The following TENM1 variants were observed in gnomAD, a reference collection of about 807,000 sequenced individuals.
The protein encoded by TENM1 is teneurin transmembrane protein 1, also known as teneurin-1.
In TENM1, 35 loss-of-function variants were observed where a neutral mutation model predicts 174.8. The observed-to-expected ratio is 0.20, with a 90% CI of 0.15 to 0.27. TENM1 has a LOEUF of 0.27. Among genes scored for constraint, TENM1 ranks in the 10% least tolerant of loss-of-function variants. The pLI is 1.00. For synonymous variants in TENM1, 781 were observed against 798.7 expected (o/e 0.98, Z 0.37); for missense variants, 1,633 against 2,130.1 (o/e 0.77, Z 4.59).
the TENM1 span, among the ~76,000 whole-genome samples, chrX:125,083,622 A>G: frequency 9.0e-6 from 1 of 111,687 alleles, no homozygotes; most frequent in Admixed American, 9.5e-5. Context: ...AAACATGGTA[A>G]TGATATGCTT....
intron 3 of TENM1, among the ~76,000 whole-genome samples, chrX:124,841,004 TAC>T (rs961415029): frequency 8.9e-6 from 1 of 112,121 alleles, no homozygotes; most frequent in Non-Finnish European, 1.9e-5. Flanking sequence ...CAAGGTGATT[TAC>T]ACTTTTCTGT....
At chrX:124,961,314 T>C (rs1417084571) in intron 1 of TENM1, among the ~76,000 whole-genome samples, 1 of 111,693 alleles carries the variant, frequency 9.0e-6, no homozygotes, top group Non-Finnish European at 1.9e-5. Context: ...TTATTGAGTA[T>C]ACAGTCTAGG....
At chrX:124,642,788 T>C (rs1355156608) in intron 10 of TENM1, among the ~76,000 whole-genome samples, 1 of 112,250 alleles carries the variant, frequency 8.9e-6, no homozygotes, top group Non-Finnish European at 1.9e-5. Flanking sequence ...CTAGTAACCA[T>C]TCCATGGGAA....
intron 3 of TENM1, among the ~76,000 whole-genome samples, chrX:124,872,768 T>C (rs2057133236): frequency 8.9e-6 from 1 of 111,987 alleles, no homozygotes; most frequent in Non-Finnish European, 1.9e-5. Flanking sequence ...GCTTGTCCAC[T>C]AGATAACAAT....
chrX:124,452,760 G>A (rs867615689), intron 23 of TENM1, among the ~76,000 whole-genome samples: 2 of 105,649 alleles, frequency 1.9e-5, no homozygotes, highest in Non-Finnish European at 3.9e-5. Flanking sequence ...GCAAACTATC[G>A]CAAGGACAAA....
At chrX:124,923,095 T>A (rs944507012) in intron 1 of TENM1, among the ~76,000 whole-genome samples, 3 of 112,072 alleles carry the variant, frequency 2.7e-5, no homozygotes, top group Non-Finnish European at 5.7e-5. Context: ...TTGGTATTAT[T>A]TTTTGCCTAC....
At chrX:124,795,467 G>T (rs768936333) in intron 3 of TENM1, among the ~76,000 whole-genome samples, 1 of 112,017 alleles carries the variant, frequency 8.9e-6, no homozygotes, top group South Asian at 3.7e-4. Flanking sequence ...CAATGTCCAT[G>T]TGGCATTTTG....
intron 5 of TENM1, among the ~76,000 whole-genome samples, chrX:124,699,952 T>G (rs1403605151): frequency 9.0e-6 from 1 of 111,527 alleles, no homozygotes; most frequent in Non-Finnish European, 1.9e-5. Flanking sequence ...ACTGTCAGTA[T>G]TATCATGATT....
chrX:124,594,195 C>T (rs887386504), intron 11 of TENM1, among the ~76,000 whole-genome samples: 41 of 111,903 alleles, frequency 3.7e-4, no homozygotes, highest in African/African-American at 1.2e-3. Context: ...GGGAAGCTCT[C>T]TGCCCCCTTG....
the TENM1 span, among the ~76,000 whole-genome samples, chrX:125,045,086 T>C: frequency 9.0e-6 from 1 of 111,523 alleles, no homozygotes; most frequent in Non-Finnish European, 1.9e-5. Flanking sequence ...AGTCCTGTCT[T>C]ACCTGGTGCC....
intron 1 of TENM1, among the ~76,000 whole-genome samples, chrX:124,959,072 G>T (rs1421373050): frequency 5.4e-5 from 6 of 111,312 alleles, no homozygotes; most frequent in Non-Finnish European, 1.1e-4. Flanking sequence ...AAAATAATGA[G>T]TTAGGCTCAA....
At chrX:125,027,149 T>C in the TENM1 span, among the ~76,000 whole-genome samples, 1 of 112,217 alleles carries the variant, frequency 8.9e-6, no homozygotes, top group African/African-American at 3.2e-5. Context: ...AGGATATAAC[T>C]GTCTACACAG....
At chrX:124,942,005 G>A (rs749892691) in intron 1 of TENM1, among the ~76,000 whole-genome samples, 5 of 111,282 alleles carry the variant, frequency 4.5e-5, no homozygotes, top group Middle Eastern at 4.6e-3. Context: ...AGAATAGTAC[G>A]GGAGAAACTG....
intron 3 of TENM1, among the ~76,000 whole-genome samples, chrX:124,827,955 T>A (rs10453793): frequency 3.7e-4 from 41 of 111,525 alleles, no homozygotes; most frequent in African/African-American, 1.3e-3. Flanking sequence ...ATCCTTTATA[T>A]GTATATATTT....
At chrX:124,647,730 GGTGTGT>G (rs113751818) in intron 8 of TENM1, among the ~76,000 whole-genome samples, 7 of 103,869 alleles carry the variant, frequency 6.7e-5, no homozygotes, top group African/African-American at 2.1e-4. Flanking sequence ...TTTTTTTTGT[GGTGTGT>G]GTGTGTGTGT....
chrX:124,431,768 G>T (rs910457087), intron 23 of TENM1, among the ~76,000 whole-genome samples: 1 of 111,743 alleles, frequency 8.9e-6, no homozygotes, highest in Admixed American at 9.5e-5. Context: ...ACATGGCCTT[G>T]TCAACAGGGC....
chrX:124,418,696 G>A (rs2060619985), intron 25 of TENM1, among the ~76,000 whole-genome samples: 1 of 112,034 alleles, frequency 8.9e-6, no homozygotes, highest in Non-Finnish European at 1.9e-5. Flanking sequence ...ATACATGAAT[G>A]GTTGAACTGG....
At chrX:124,948,543 TTTG>T (rs201956904) in intron 1 of TENM1, among the ~76,000 whole-genome samples, 6,910 of 111,982 alleles carry the variant, frequency 0.062, 557 homozygotes, top group African/African-American at 0.21. Flanking sequence ...ATTGTGTATT[TTTG>T]TTGTTGTTGT....
At chrX:124,520,825 T>G in intron 17 of TENM1, 41 bp from the exon 21 acceptor site, 1 of 1,108,394 alleles carries the variant, frequency 9.0e-7, no homozygotes, top group Non-Finnish European at 1.2e-6. Context: ...TAGGCTCTTG[T>G]CAGTGGTCGC....
Sources: gnomAD v4.1 joint callset for allele counts (sites outside exome capture counted in the v4.1 genomes callset) on GRCh38, gnomAD v4.1.1 for gene constraint, MANE v1.5 for transcripts, NCBI Gene and HGNC (gene_info 2026-07-23, HGNC 2026-07-21) for gene names.